The following CCSER1 variants were observed in gnomAD, a reference collection of about 807,000 sequenced individuals.
The protein encoded by CCSER1 is serine-rich coiled-coil domain-containing protein 1.
Under a neutral mutation model 82.0 loss-of-function variants are expected in CCSER1, and 41 were observed. The observed-to-expected ratio is 0.50, with a 90% CI of 0.39 to 0.65. The LOEUF (loss-of-function observed/expected upper bound fraction) is 0.65. Among genes scored for constraint, CCSER1 ranks in the 30% least tolerant of loss-of-function variants. The pLI, the probability that CCSER1 is intolerant of heterozygous loss-of-function variation, is 0.00. For synonymous variants in CCSER1, 414 were observed against 383.9 expected (o/e 1.08, Z -0.92); for missense variants, 1,119 against 1,064.2 (o/e 1.05, Z -0.72).
Position 90,312,863 on chromosome 4 carries a change from T to A in CCSER1, c.1325T>A (p.Val442Asp). 6.4e-7 allele frequency: 1 copy of A among 1,555,278 alleles called. No homozygotes were observed. Among genetic ancestry groups the A allele is most frequent in the Middle Eastern group, 1.7e-4 (1 of 5,998 alleles). The stretch of plus-strand genomic sequence containing the variant: ...TTTTTATTTATTTTCCTTTCCATAG[T>A]TCTTGCCAGTAGTCTCAGTCCATTT... ...SHGYEANPAK[V>D]LASSLSPFRE... The change falls in exon 3 of 11, where the codon GTT becomes GAT. Residue 442 changes from valine to aspartate, a missense_variant and splice_region_variant. By Grantham distance (152) the Val-to-Asp change is radical. Coordinates refer to ENST00000509176, the MANE Select transcript of CCSER1 (RefSeq NM_001145065.2).
chr4:91,454,457 C>A (rs116282469), intron 10 of CCSER1, among the ~76,000 whole-genome samples: 1 of 152,026 alleles, frequency 6.6e-6, no homozygotes, highest in African/African-American at 2.4e-5. Flanking sequence ...AGGACACACA[C>A]AGATTACATT....
At chr4:90,513,064 G>A (rs1351516583) in intron 5 of CCSER1, among the ~76,000 whole-genome samples, 1 of 152,088 alleles carries the variant, frequency 6.6e-6, no homozygotes, top group East Asian at 1.9e-4. Context: ...TGTGGACTAG[G>A]GACATGAAGT....
intron 1 of CCSER1, among the ~76,000 whole-genome samples, chr4:90,284,358 T>G (rs1364529113): frequency 2.0e-5 from 3 of 152,142 alleles, no homozygotes. Context: ...CATTTTTGCT[T>G]TATTTGCCAG....
intron 1 of CCSER1, among the ~76,000 whole-genome samples, chr4:90,132,347 A>G (rs991265531): frequency 3.3e-5 from 5 of 152,192 alleles, no homozygotes; most frequent in African/African-American, 1.2e-4. Context: ...TGTTTGCTTT[A>G]TAGTGAGTAC....
At position 90,628,197 on chromosome 4, in the gene CCSER1, A is replaced by T; in HGVS notation, c.1897A>T (p.Thr633Ser). The T allele has an allele frequency of 1.2e-6, 2 of 1,613,792 alleles. No homozygotes were observed. The highest frequency in any genetic ancestry group is 1.7e-6 in the Non-Finnish European group (2 of 1,179,772). ...LMLQDCTAVK[T>S]LLLKMKRVLQ... Reference sequence around the variant, plus strand: ...GTTACAGGACTGCACGGCAGTCAAGACGTTATTATTAAAGATGAAGAGAGT... The same window carrying T: ...GTTACAGGACTGCACGGCAGTCAAGTCGTTATTATTAAAGATGAAGAGAGT... Residue 633 changes from threonine (T) to serine (S), a missense_variant, in exon 6 of 11, where the codon ACG (threonine) becomes TCG (serine). Thr to Ser is a moderately conservative substitution (Grantham distance 58). Transcript: ENST00000509176.
At chr4:90,143,625 T>G (rs1725242381) in intron 1 of CCSER1, among the ~76,000 whole-genome samples, 1 of 152,062 alleles carries the variant, frequency 6.6e-6, no homozygotes, top group Non-Finnish European at 1.5e-5. Flanking sequence ...TTTTTCTTTT[T>G]TAACAACTAA....
At chr4:91,086,141 T>C in intron 10 of CCSER1, 147 bp downstream of exon 10, 1 of 573,512 alleles carries the variant, frequency 1.7e-6, no homozygotes. Flanking sequence ...ATGGCTCTGT[T>C]CATTCTGCCA....
chr4:91,521,900 T>C (rs940905246), intron 10 of CCSER1, among the ~76,000 whole-genome samples: 2 of 152,150 alleles, frequency 1.3e-5, no homozygotes, highest in African/African-American at 2.4e-5. Flanking sequence ...TCTCATTTGT[T>C]AATTTTGGCT....
At position 90,143,447 on chromosome 4, in the gene CCSER1, G is replaced by T. The variant is rs1015419336; in HGVS notation, c.-42+15616G>T. Among the ~76,000 whole-genome samples, 3 of 146,798 alleles carry T rather than the reference G, an allele frequency of 2.0e-5. No homozygotes were observed. In the East Asian group the frequency reaches 6.1e-4, roughly 30 times the overall value. On this transcript the variant is annotated intron_variant, in intron 1 of 10. Transcript: ENST00000509176. ...TTCCTGAGAACACAGTTCATGTTTG[G>T]TTTTTTCCACCATTGTATTTCTGTT...
At chr4:90,376,010 A>T (rs1242325032) in intron 3 of CCSER1, among the ~76,000 whole-genome samples, 2 of 152,152 alleles carry the variant, frequency 1.3e-5, no homozygotes, top group Non-Finnish European at 2.9e-5. Context: ...TAGGGGCACT[A>T]TGTGTGGCCC....
intron 1 of CCSER1, among the ~76,000 whole-genome samples, chr4:90,301,107 T>C (rs1346929360): frequency 2.0e-5 from 3 of 152,174 alleles, no homozygotes; most frequent in African/African-American, 7.2e-5. Flanking sequence ...ATGTTGGGAT[T>C]GACAGGCATG....
At chr4:90,899,025 T>G (rs1036074201) in intron 8 of CCSER1, among the ~76,000 whole-genome samples, 14 of 152,064 alleles carry the variant, frequency 9.2e-5, no homozygotes, top group African/African-American at 3.4e-4. Context: ...ATCTGTAGAT[T>G]TTTTTGGGAT....
At chr4:90,926,952 C>T (rs1056339239) in intron 9 of CCSER1, among the ~76,000 whole-genome samples, 10 of 151,932 alleles carry the variant, frequency 6.6e-5, no homozygotes, top group Non-Finnish European at 1.5e-5. Context: ...CTAATTACAT[C>T]AAATGTATAA....
intron 10 of CCSER1, among the ~76,000 whole-genome samples, chr4:91,147,339 C>T (rs1293356284): frequency 1.3e-5 from 2 of 152,196 alleles, no homozygotes; most frequent in Non-Finnish European, 2.9e-5. Flanking sequence ...AGGAGCCGGC[C>T]CAGCCAGCTA....
At chr4:90,374,997 T>A (rs975968620) in intron 3 of CCSER1, among the ~76,000 whole-genome samples, 3 of 152,180 alleles carry the variant, frequency 2.0e-5, no homozygotes, top group Non-Finnish European at 2.9e-5. Context: ...CAAAAATAAT[T>A]CTCACTCTAC....
intron 10 of CCSER1, among the ~76,000 whole-genome samples, chr4:91,428,117 A>G (rs141894117): frequency 0.019 from 2,886 of 152,158 alleles, 98 homozygotes; most frequent in African/African-American, 0.066. Flanking sequence ...TCTTGTTATA[A>G]AAAATAGACT....
chr4:91,491,263 G>C (rs1758527046), intron 10 of CCSER1, among the ~76,000 whole-genome samples: 1 of 151,878 alleles, frequency 6.6e-6, no homozygotes, highest in Non-Finnish European at 1.5e-5. Flanking sequence ...GACTGGCCAA[G>C]CTCCATGTGC....
intron 6 of CCSER1, among the ~76,000 whole-genome samples, chr4:90,631,144 A>C (rs57405726): frequency 0.09 from 13,739 of 151,938 alleles, 1,734 homozygotes; most frequent in African/African-American, 0.28. Context: ...CCGCCCGCCT[A>C]GGCCTCCCAA....
chr4:90,428,520 T>C lies in CCSER1; in HGVS notation c.1603+28391T>C, dbSNP rs114542643. Among the ~76,000 whole-genome samples, 1,186 of 151,952 alleles carry C rather than the reference T, an allele frequency of 7.8e-3. 15 individuals are homozygous for C. Among genetic ancestry groups the C allele is most frequent in the African/African-American group, 0.027 (1,109 of 41,528 alleles). On this transcript the variant is annotated intron_variant, in intron 4 of 10. Transcript: ENST00000509176. ...AAGTGTATTATATGCTGTATTCTTATAATAAAGTAGGATAGAGAAAATAAA... is the reference window on the plus strand; with the variant it reads ...AAGTGTATTATATGCTGTATTCTTACAATAAAGTAGGATAGAGAAAATAAA...
Sources: gnomAD v4.1 joint callset for allele counts (sites outside exome capture counted in the v4.1 genomes callset) on GRCh38, gnomAD v4.1.1 for gene constraint, MANE v1.5 for transcripts, NCBI Gene and HGNC (gene_info 2026-07-23, HGNC 2026-07-21) for gene names.